Variants in KCNH7 observed in about 807,000 individuals in gnomAD.
KCNH7 encodes the protein voltage-gated inwardly rectifying potassium channel KCNH7.
A neutral mutation model predicts 120.8 loss-of-function variants in KCNH7; 49 were observed. The observed-to-expected ratio is 0.41, with a 90% CI of 0.32 to 0.51. The LOEUF (loss-of-function observed/expected upper bound fraction) is 0.51, where lower values mean the gene tolerates loss of function less well. KCNH7 is among the 20% of genes least tolerant of loss of function. KCNH7 has a pLI of 0.38. For synonymous variants in KCNH7, 547 were observed against 516.1 expected (o/e 1.06, Z -0.81); for missense variants, 1,097 against 1,446.6 (o/e 0.76, Z 3.92).
chr2:162,412,701 C>G (rs573385283), intron 9 of KCNH7, among the ~76,000 whole-genome samples: 115 of 152,148 alleles, frequency 7.6e-4, no homozygotes, highest in Non-Finnish European at 1.6e-3. Flanking sequence ...ACATGACTTT[C>G]TGGAAAATGT....
intron 6 of KCNH7, among the ~76,000 whole-genome samples, chr2:162,457,176 C>A (rs529565838): frequency 6.6e-6 from 1 of 152,138 alleles, no homozygotes; most frequent in South Asian, 2.1e-4. Flanking sequence ...GAATAGGATT[C>A]TAAGAAGCCA....
intron 4 of KCNH7, among the ~76,000 whole-genome samples, chr2:162,517,200 G>T (rs757695029): frequency 7.9e-5 from 12 of 151,798 alleles, no homozygotes; most frequent in Non-Finnish European, 1.6e-4. Flanking sequence ...TTGAGATCAG[G>T]ACTTTCAGGA....
At chr2:162,565,888 T>A (rs1223235393) in intron 2 of KCNH7, among the ~76,000 whole-genome samples, 1 of 152,088 alleles carries the variant, frequency 6.6e-6, no homozygotes, top group African/African-American at 2.4e-5. Flanking sequence ...GACAAATTAC[T>A]GACCTTTTGT....
At chr2:162,739,672 T>C (rs1688052331) in intron 2 of KCNH7, among the ~76,000 whole-genome samples, 1 of 152,196 alleles carries the variant, frequency 6.6e-6, no homozygotes, top group Admixed American at 6.5e-5. Context: ...GAGTGAGACC[T>C]GATCATTGGG....
chr2:162,816,388 T>A lies in KCNH7; in HGVS notation c.307+20149A>T, dbSNP rs1264325914. On this transcript the variant is annotated intron_variant, in intron 2 of 15. Coordinates refer to ENST00000332142, the MANE Select transcript of KCNH7 (RefSeq NM_033272.4). The stretch of plus-strand genomic sequence containing the variant: ...TTTGAAATCTGTATCAAAGAAAAAT[T>A]GACTTTCATTAAAATGGTCATTTCT... Among the ~76,000 whole-genome samples, 5 of 152,088 alleles carry A rather than the reference T, an allele frequency of 3.3e-5. No individual in the cohort carries two copies. The East Asian group carries it at 9.6e-4, about 29-fold the overall frequency.
intron 2 of KCNH7, among the ~76,000 whole-genome samples, chr2:162,763,525 T>G (rs1402516229): frequency 1.3e-5 from 2 of 152,096 alleles, no homozygotes; most frequent in South Asian, 2.1e-4. Flanking sequence ...ATCCGTAAAG[T>G]TCCAAAATTG....
chr2:162,659,558 T>C (rs1030749036), intron 2 of KCNH7, among the ~76,000 whole-genome samples: 4 of 152,084 alleles, frequency 2.6e-5, no homozygotes, highest in African/African-American at 9.7e-5. Flanking sequence ...GCCAGGCTTG[T>C]GTCAAACTCC....
chr2:162,838,637 T>A lies in KCNH7; in HGVS notation c.-119A>T. 1 of 722,926 alleles carries A rather than the reference T, an allele frequency of 1.4e-6. No individual in the cohort carries two copies. Among genetic ancestry groups the A allele is most frequent in the Non-Finnish European group, 2.3e-6 (1 of 433,710 alleles). 44.8% of individuals were successfully genotyped at this position (722,926 alleles called of 1,614,324 possible). Reference sequence around the variant, plus strand: ...CTCTTTGTGGCAGAGCATCCTCTTTTGAAACCAGAATTCTCTTCCCATTAG... The same window carrying A: ...CTCTTTGTGGCAGAGCATCCTCTTTAGAAACCAGAATTCTCTTCCCATTAG... On this transcript the variant is annotated 5_prime_UTR_variant, in exon 1 of 16. Transcript: ENST00000332142.
intron 2 of KCNH7, among the ~76,000 whole-genome samples, chr2:162,773,447 C>T (rs764235735): frequency 6.6e-6 from 1 of 152,142 alleles, no homozygotes; most frequent in Non-Finnish European, 1.5e-5. Flanking sequence ...GAGATCACGC[C>T]GCTGCACTCC....
chr2:162,744,527 C>T (rs1372241385), intron 2 of KCNH7, among the ~76,000 whole-genome samples: 2 of 151,212 alleles, frequency 1.3e-5, no homozygotes, highest in African/African-American at 2.4e-5. Flanking sequence ...GTGTCCTGAC[C>T]GTTTAGTTCT....
chr2:162,598,253 C>T (rs1038463503), intron 2 of KCNH7, among the ~76,000 whole-genome samples: 2 of 151,980 alleles, frequency 1.3e-5, no homozygotes, highest in African/African-American at 4.8e-5. Flanking sequence ...TGGATGTTAC[C>T]ATCTAGTTTT....
intron 6 of KCNH7, among the ~76,000 whole-genome samples, chr2:162,480,199 C>T (rs931032575): frequency 2.2e-4 from 33 of 151,794 alleles, no homozygotes; most frequent in Middle Eastern, 6.8e-3. Context: ...TAGACACTTG[C>T]GGTGTATGCA....
intron 7 of KCNH7, among the ~76,000 whole-genome samples, chr2:162,442,047 C>T (rs1296664633): frequency 4.4e-5 from 4 of 90,408 alleles, no homozygotes; most frequent in Non-Finnish European, 6.2e-5. Flanking sequence ...GATGGAGTCT[C>T]GCTCTTTCGC....
intron 2 of KCNH7, among the ~76,000 whole-genome samples, chr2:162,677,303 C>T (rs559788838): frequency 9.2e-5 from 14 of 151,474 alleles, no homozygotes; most frequent in African/African-American, 3.4e-4. Context: ...ACAGAGGAGT[C>T]AGCCAATTGT....
Position 162,592,682 on chromosome 2 carries a change from A to G in KCNH7, c.308-55602T>C, listed in dbSNP as rs375958587. Among the ~76,000 whole-genome samples, 15 of 152,198 alleles carry G rather than the reference A, an allele frequency of 9.9e-5. No individual in the cohort carries two copies. The East Asian group carries it at 2.7e-3, about 28-fold the overall frequency. ...TTTACTTACCAGAGAATTTAGCACT[A>G]CTTTATTCATATATCTGGGTTAGCA... On this transcript the variant is annotated intron_variant, in intron 2 of 15. Transcript: ENST00000332142.
chr2:162,636,116 A>G (rs543285293), intron 2 of KCNH7, among the ~76,000 whole-genome samples: 1 of 152,194 alleles, frequency 6.6e-6, no homozygotes, highest in South Asian at 2.1e-4. Flanking sequence ...GTTCAAATGA[A>G]GTATTTATTT....
chr2:162,538,656 C>T (rs889370998), intron 2 of KCNH7, among the ~76,000 whole-genome samples: 6 of 152,030 alleles, frequency 3.9e-5, no homozygotes, highest in Admixed American at 2.6e-4. Flanking sequence ...TTCTTCTTAT[C>T]CTGCATCTTG....
intron 9 of KCNH7, among the ~76,000 whole-genome samples, chr2:162,410,185 C>T (rs2105463639): frequency 6.6e-6 from 1 of 152,092 alleles, no homozygotes; most frequent in South Asian, 2.1e-4. Flanking sequence ...AACTATACTA[C>T]AAGGTTACAG....
At chr2:162,400,501 ACAGT>A in intron 9 of KCNH7, 60 bp from the exon 10 acceptor site, 1 of 1,557,162 alleles carries the variant, frequency 6.4e-7, no homozygotes, top group Non-Finnish European at 8.8e-7. Flanking sequence ...TGCCTGAAAT[ACAGT>A]CAATTTCTTG....
Sources: allele counts gnomAD v4.1 joint callset (sites outside exome capture counted in the v4.1 genomes callset), GRCh38; gene constraint gnomAD v4.1.1; transcripts MANE v1.5; gene names NCBI Gene and HGNC (gene_info 2026-07-23, HGNC 2026-07-21).